Variants in WDR70 observed in about 807,000 individuals in gnomAD.
WDR70 encodes WD repeat domain 70.
In WDR70, 53 loss-of-function variants were observed where a neutral mutation model predicts 88.6. The ratio of observed to expected loss-of-function variants is 0.60; its 90% confidence interval spans 0.48 to 0.75. WDR70 has a LOEUF of 0.75. Ranked by LOEUF, WDR70 falls within the 30% of genes least tolerant of loss-of-function variation. The pLI is 0.00. For missense variants in WDR70, 610 were observed against 823.2 expected (o/e 0.74, Z 3.17); for synonymous variants, 280 against 270.0 (o/e 1.04, Z -0.36).
intron 5 of WDR70, among the ~76,000 whole-genome samples, chr5:37,429,000 A>G (rs1750223276): frequency 6.6e-6 from 1 of 152,164 alleles, no homozygotes; most frequent in South Asian, 2.1e-4. Context: ...TTGTTGACTG[A>G]CATTAAACCT....
At chr5:37,723,878 A>G (rs1747895409) in intron 15 of WDR70, 1 of 152,204 alleles carries the variant, frequency 6.6e-6, no homozygotes, top group Non-Finnish European at 1.5e-5. Flanking sequence ...TGTGTTGCCC[A>G]ACTGAGTGAC....
At chr5:37,520,011 T>G (rs1741037017) in intron 9 of WDR70, among the ~76,000 whole-genome samples, 1 of 152,196 alleles carries the variant, frequency 6.6e-6, no homozygotes, top group South Asian at 2.1e-4. Flanking sequence ...TTTGAGCAGC[T>G]TTTCCCTCTA....
intron 11 of WDR70, among the ~76,000 whole-genome samples, chr5:37,698,259 C>T (rs1747040480): frequency 6.6e-6 from 1 of 152,158 alleles, no homozygotes; most frequent in South Asian, 2.1e-4. Flanking sequence ...TACTTATCCA[C>T]ATTTGTATGG....
intron 10 of WDR70, among the ~76,000 whole-genome samples, chr5:37,611,376 T>C (rs1284493135): frequency 1.3e-5 from 2 of 152,124 alleles, no homozygotes; most frequent in African/African-American, 4.8e-5. Context: ...GTATTTACTT[T>C]TATGGAGGTT....
intron 17 of WDR70, among the ~76,000 whole-genome samples, chr5:37,739,864 C>G (rs1490530863): frequency 6.6e-6 from 1 of 152,014 alleles, no homozygotes; most frequent in East Asian, 1.9e-4. Flanking sequence ...CTCATTCCAA[C>G]AGAATATTTC....
At chr5:37,681,497 G>C (rs777223919) in intron 10 of WDR70, among the ~76,000 whole-genome samples, 10 of 152,086 alleles carry the variant, frequency 6.6e-5, no homozygotes, top group African/African-American at 2.4e-4. Context: ...TGGCATTCTT[G>C]TCCTGTTTCT....
chr5:37,717,941 T>C lies in WDR70; in HGVS notation c.1417-3174T>C, dbSNP rs939549229. ...GTTTTAGAATCCTTGTAGTATTTGA[T>C]TAATAACTGGTCTTAGGGTAATTGA... On this transcript the variant is annotated intron_variant, in intron 13 of 17. Transcript: ENST00000265107. 3.9e-5 allele frequency among the ~76,000 whole-genome samples: 6 copies of C among 152,362 alleles called. No individual in the cohort carries two copies. The South Asian group carries it at 8.3e-4, about 21-fold the overall frequency.
intron 9 of WDR70, among the ~76,000 whole-genome samples, chr5:37,537,773 A>G (rs1390591089): frequency 6.6e-6 from 1 of 152,200 alleles, no homozygotes; most frequent in East Asian, 1.9e-4. Context: ...ACTATAAAAT[A>G]TCCTAGATAT....
At chr5:37,500,337 A>G (rs528811888) in intron 8 of WDR70, among the ~76,000 whole-genome samples, 12 of 152,304 alleles carry the variant, frequency 7.9e-5, no homozygotes, top group African/African-American at 2.9e-4. Flanking sequence ...TTACTCATCA[A>G]TTGATGGGCA....
At chr5:37,540,950 G>T (rs1307840976) in intron 9 of WDR70, among the ~76,000 whole-genome samples, 1 of 152,076 alleles carries the variant, frequency 6.6e-6, no homozygotes, top group South Asian at 2.1e-4. Context: ...TTGAATAGGG[G>T]TTATAAAACT....
chr5:37,598,291 T>G (rs113915864), intron 9 of WDR70, among the ~76,000 whole-genome samples: 24 of 152,344 alleles, frequency 1.6e-4, no homozygotes, highest in African/African-American at 5.5e-4. Context: ...AATTATGATA[T>G]GAAAGACCAC....
chr5:37,648,516 A>G (rs925544803), intron 10 of WDR70, among the ~76,000 whole-genome samples: 2 of 142,524 alleles, frequency 1.4e-5, no homozygotes, highest in African/African-American at 3.1e-5. Flanking sequence ...GAGACAGAGA[A>G]CTATTCTTTT....
intron 10 of WDR70, among the ~76,000 whole-genome samples, chr5:37,644,427 T>C (rs1310057353): frequency 6.6e-6 from 1 of 152,074 alleles, no homozygotes; most frequent in African/African-American, 2.4e-5. Context: ...ATCAGTGATA[T>C]TGGCCCATCA....
chr5:37,496,567 C>T (rs1472370204), intron 8 of WDR70, among the ~76,000 whole-genome samples: 1 of 152,232 alleles, frequency 6.6e-6, no homozygotes, highest in East Asian at 1.9e-4. Flanking sequence ...CAATTCCGGA[C>T]TCACTAATGT....
rs750822480 is a variant in WDR70 at position 37,724,940 on chromosome 5, C to T, written c.1604C>T (p.Ala535Val). The T allele has an allele frequency of 6.2e-7, 1 of 1,613,448 alleles. No homozygotes were observed. Among genetic ancestry groups the T allele is most frequent in the South Asian group, 1.1e-5 (1 of 91,050 alleles). ...CAAATGTGACTTCTTGTAGCTCATGCCTTGCCTATGTTCCGTGAGCCCCGC... is the reference window on the plus strand; with the variant it reads ...CAAATGTGACTTCTTGTAGCTCATGTCTTGCCTATGTTCCGTGAGCCCCGC... ...LTQDYIITPH[A>V]LPMFREPRQR... Residue 535 changes from alanine to valine, a missense_variant, in exon 16 of 18, where the codon GCC becomes GTC. Transcript: ENST00000265107.
At chr5:37,547,919 T>G (rs1742040821) in intron 9 of WDR70, among the ~76,000 whole-genome samples, 1 of 152,198 alleles carries the variant, frequency 6.6e-6, no homozygotes, top group African/African-American at 2.4e-5. Flanking sequence ...TTGCCTGGAT[T>G]ATTTAATTTA....
intron 9 of WDR70, among the ~76,000 whole-genome samples, chr5:37,589,565 T>C (rs1205402154): frequency 1.3e-5 from 2 of 152,090 alleles, no homozygotes; most frequent in Non-Finnish European, 1.5e-5. Context: ...CTGATTTTTC[T>C]TGCTGCTTAT....
intron 5 of WDR70, among the ~76,000 whole-genome samples, chr5:37,399,383 T>C (rs1038569583): frequency 3.9e-5 from 6 of 152,230 alleles, no homozygotes; most frequent in African/African-American, 1.4e-4. Flanking sequence ...ATTGCACCAC[T>C]GCACTCTAGC....
rs549822170 is a variant in WDR70, at chr5:37,379,503, G to C, written c.40G>C (p.Ala14Pro). Residue 14 changes from alanine (A) to proline (P), a missense_variant, in exon 2 of 18, where the codon GCG (alanine) becomes CCG (proline). Coordinates refer to ENST00000265107, the MANE Select transcript of WDR70 (RefSeq NM_018034.4). ...TCTTGCTCCAGTGACAGGCTCAGAC[G>C]CGTCGGGACCGGACCCGCAGCTTGC... ...SGPSEVTGSD[A>P]SGPDPQLAVT... The C allele has an allele frequency of 1.9e-6, 3 of 1,613,902 alleles. No homozygotes were observed. Among genetic ancestry groups the C allele is most frequent in the Admixed American group, 1.7e-5 (1 of 60,000 alleles).
Sources: allele counts gnomAD v4.1 joint callset (sites outside exome capture counted in the v4.1 genomes callset), GRCh38; gene constraint gnomAD v4.1.1; transcripts MANE v1.5; gene names NCBI Gene and HGNC (gene_info 2026-07-23, HGNC 2026-07-21).